The following GNL3L variants were observed in gnomAD, a reference collection of about 807,000 sequenced individuals.
The protein encoded by GNL3L is guanine nucleotide-binding protein-like 3-like protein.
A neutral mutation model predicts 42.9 loss-of-function variants in GNL3L; 4 were observed. The ratio of observed to expected loss-of-function variants is 0.09; its 90% CI spans 0.05 to 0.21. The LOEUF is 0.21. GNL3L is among the 10% of genes least tolerant of loss of function. GNL3L has a pLI of 1.00. For synonymous variants in GNL3L, 159 were observed against 176.3 expected (o/e 0.90, Z 0.78); for missense variants, 412 against 481.7 (o/e 0.86, Z 1.36).
At chrX:54,559,294 C>T (rs1925192026) in intron 15 of GNL3L, among the ~76,000 whole-genome samples, 1 of 111,361 alleles carries the variant, frequency 9.0e-6, no homozygotes, top group South Asian at 3.8e-4. Context: ...ATCAGGTACT[C>T]TCTATGTGTT....
chrX:54,641,278 G>A, the GNL3L span, among the ~76,000 whole-genome samples: 1 of 110,615 alleles, frequency 9.0e-6, no homozygotes, highest in Non-Finnish European at 1.9e-5. Context: ...CCAGTGCCCA[G>A]TACAGTGCTT....
intron 16 of GNL3L, among the ~76,000 whole-genome samples, chrX:54,617,211 A>T (rs190269638): frequency 1.5e-3 from 165 of 111,870 alleles, no homozygotes; most frequent in African/African-American, 5.0e-3. Flanking sequence ...GTTTCAACTT[A>T]CCTTCTATTA....
chrX:54,632,161 C>T, the GNL3L span, among the ~76,000 whole-genome samples: 2 of 111,464 alleles, frequency 1.8e-5, no homozygotes, highest in Admixed American at 9.5e-5. Context: ...ATAGGTTTTC[C>T]TTTTTTGGTT....
chrX:54,635,567 C>T, the GNL3L span, among the ~76,000 whole-genome samples: 1 of 110,571 alleles, frequency 9.0e-6, no homozygotes, highest in Non-Finnish European at 1.9e-5. Context: ...CCTCTGAGTT[C>T]GCTGTTTATT....
intron 16 of GNL3L, among the ~76,000 whole-genome samples, chrX:54,602,579 A>G: frequency 9.0e-6 from 1 of 111,653 alleles, no homozygotes; most frequent in South Asian, 3.8e-4. Context: ...CTAGTAGAAT[A>G]TGACAACAGT....
intron 16 of GNL3L, among the ~76,000 whole-genome samples, chrX:54,604,513 G>A (rs1926036498): frequency 9.0e-6 from 1 of 110,908 alleles, no homozygotes; most frequent in African/African-American, 3.3e-5. Context: ...TTATGCAAAG[G>A]TCTAGGGAAA....
At chrX:54,567,703 G>C (rs1296427753), downstream of GNL3L, among the ~76,000 whole-genome samples, 1 of 110,027 alleles carries the variant, frequency 9.1e-6, no homozygotes, top group Non-Finnish European at 1.9e-5. Flanking sequence ...TCTGACTTTG[G>C]GGGAGAGTAT....
intron 16 of GNL3L, among the ~76,000 whole-genome samples, chrX:54,575,289 T>C (rs1925617806): frequency 8.9e-6 from 1 of 112,741 alleles, no homozygotes; most frequent in African/African-American, 3.2e-5. Flanking sequence ...AAATTTTCCT[T>C]GTGATTTCTT....
the GNL3L span, among the ~76,000 whole-genome samples, chrX:54,628,913 TAATATAATTATAAAATATAATTATATAA>T: frequency 9.8e-6 from 1 of 101,752 alleles, no homozygotes; most frequent in Non-Finnish European, 2.0e-5. Flanking sequence ...AAACATAATA[TAATATAATTATAAAATATAATTATATAA>T]AATATAATTA....
the GNL3L span, among the ~76,000 whole-genome samples, chrX:54,630,882 C>T: frequency 7.6e-5 from 8 of 105,766 alleles, no homozygotes; most frequent in Non-Finnish European, 1.2e-4. Flanking sequence ...TATTGGCTCA[C>T]TGTAACCTCT....
chrX:54,545,883 T>TTATTTTAGATACAGATATTTA (rs1924757901), intron 8 of GNL3L, among the ~76,000 whole-genome samples: 2 of 112,264 alleles, frequency 1.8e-5, no homozygotes, highest in Admixed American at 1.9e-4. Flanking sequence ...GGGTCTCAAT[T>TTATTTTAGATACAGATATTTA]GGTCATCCAG....
rs1394526611 is a variant in GNL3L, at chrX:54,566,851, GT to G, written c.*6250del. 8.9e-6 allele frequency among the ~76,000 whole-genome samples: 1 copy of G among 111,769 alleles called. No homozygotes were observed. Among genetic ancestry groups the G allele is most frequent in the East Asian group, 2.8e-4 (1 of 3,576 alleles). ...TGCAGTGGTGTGCTCATAGGTCACTGTAGCTTCGACCTCCTGGGCTCAAGCG... is the reference window on the plus strand; with the variant it reads ...TGCAGTGGTGTGCTCATAGGTCACTGAGCTTCGACCTCCTGGGCTCAAGCG... On this transcript the variant is annotated 3_prime_UTR_variant, in exon 16 of 16. Coordinates refer to ENST00000360845, the MANE Select transcript of GNL3L (RefSeq NM_001184819.2).
At chrX:54,537,567 C>G (rs985100858) in intron 2 of GNL3L, among the ~76,000 whole-genome samples, 2 of 111,165 alleles carry the variant, frequency 1.8e-5, no homozygotes, top group African/African-American at 6.6e-5. Context: ...CTCCTTTGGT[C>G]TTCTAGCTTA....
chrX:54,612,190 T>G (rs2147534868), intron 16 of GNL3L, among the ~76,000 whole-genome samples: 1 of 112,393 alleles, frequency 8.9e-6, no homozygotes, highest in Admixed American at 9.4e-5. Context: ...TCTTTGTCTC[T>G]TCTAGCTGCT....
chrX:54,629,907 T>C, the GNL3L span, among the ~76,000 whole-genome samples: 1 of 111,785 alleles, frequency 8.9e-6, no homozygotes, highest in Non-Finnish European at 1.9e-5. Context: ...TTGTTGGCAA[T>C]TTTTTATTTT....
chrX:54,532,410 G>A (rs5915136), intron 1 of GNL3L, 110 bp from the exon 2 acceptor site: 16,158 of 485,053 alleles, frequency 0.033, 997 homozygotes, highest in African/African-American at 0.25. Context: ...TAATTATTAC[G>A]CCTTCCTCAT....
chrX:54,560,651 CG>C lies in GNL3L; in HGVS notation c.*54del. 2 of 719,289 alleles carry C rather than the reference CG, an allele frequency of 2.8e-6. No homozygotes were observed. The highest frequency in any genetic ancestry group is 3.3e-4 in the Middle Eastern group (1 of 3,007). 59.3% of individuals were successfully genotyped at this position (719,289 alleles called of 1,213,427 possible). A position where few individuals can be genotyped will look rare whatever the true frequency, so the allele number is the denominator to read the frequency against. On this transcript the variant is annotated 3_prime_UTR_variant, in exon 16 of 16. Transcript: ENST00000360845. The stretch of plus-strand genomic sequence containing the variant: ...GCTCCAAGCACCAGTTCCGGTGGTA[CG>C]GGGGAATACCAGTGAAATAGTTTGG...
At chrX:54,534,637 C>A (rs1281256153) in intron 2 of GNL3L, among the ~76,000 whole-genome samples, 1 of 111,477 alleles carries the variant, frequency 9.0e-6, no homozygotes, top group African/African-American at 3.3e-5. Context: ...TTAAAAAATT[C>A]TTCAAGGTCA....
intron 16 of GNL3L, among the ~76,000 whole-genome samples, chrX:54,596,915 A>T (rs767694977): frequency 2.2e-4 from 24 of 110,832 alleles, no homozygotes; most frequent in Non-Finnish European, 4.0e-4. Flanking sequence ...GTTTGTGGTA[A>T]ATGCTTCCTG....
Sources: gnomAD v4.1 joint callset for allele counts (sites outside exome capture counted in the v4.1 genomes callset) on GRCh38, gnomAD v4.1.1 for gene constraint, MANE v1.5 for transcripts, NCBI Gene and HGNC (gene_info 2026-07-23, HGNC 2026-07-21) for gene names.